The following DPYSL3 variants were observed in gnomAD, a reference collection of about 807,000 sequenced individuals.
The protein encoded by DPYSL3 is dihydropyrimidinase-related protein 3.
A neutral mutation model predicts 66.1 loss-of-function variants in DPYSL3; 16 were observed. That is an observed-to-expected ratio of 0.24 (90% CI 0.16 to 0.37). The LOEUF is 0.37. Ranked by LOEUF, DPYSL3 falls within the 10% of genes least tolerant of loss-of-function variation. The pLI is 1.00. For synonymous variants in DPYSL3, 338 were observed against 345.1 expected (o/e 0.98, Z 0.23); for missense variants, 738 against 916.2 (o/e 0.81, Z 2.51).
chr5:147,400,580 C>T (rs1165293624), intron 10 of DPYSL3, 112 bp downstream of exon 10: 12 of 1,401,372 alleles, frequency 8.6e-6, no homozygotes, highest in African/African-American at 2.9e-5. Flanking sequence ...TCAGCAAGTA[C>T]GAGATCCCAT....
chr5:147,467,944 A>C (rs921600089), intron 1 of DPYSL3, among the ~76,000 whole-genome samples: 3 of 152,092 alleles, frequency 2.0e-5, no homozygotes, highest in African/African-American at 7.2e-5. Flanking sequence ...AGCTCCCTTG[A>C]ACTTCTTTTA....
chr5:147,447,190 C>G (rs1450174626), intron 1 of DPYSL3, among the ~76,000 whole-genome samples: 3 of 152,168 alleles, frequency 2.0e-5, no homozygotes, highest in African/African-American at 7.2e-5. Context: ...CATGCTTAGT[C>G]CCATATTTCT....
intron 1 of DPYSL3, among the ~76,000 whole-genome samples, chr5:147,461,964 C>CA (rs1752939993): frequency 6.6e-6 from 1 of 152,044 alleles, no homozygotes; most frequent in African/African-American, 2.4e-5. Flanking sequence ...GAGAGTAAAT[C>CA]AAAAAATTTG....
intron 1 of DPYSL3, among the ~76,000 whole-genome samples, chr5:147,493,581 A>G (rs1753452631): frequency 6.6e-6 from 1 of 151,866 alleles, no homozygotes; most frequent in Non-Finnish European, 1.5e-5. Flanking sequence ...CTAAAAAAAA[A>G]GAAAGAAAGG....
rs1432855 is a variant in DPYSL3 at position 147,414,509 on chromosome 5, C to G, written c.821-852G>C. On this transcript the variant is annotated intron_variant, in intron 4 of 13. Coordinates refer to ENST00000343218, the MANE Select transcript of DPYSL3 (RefSeq NM_001197294.2). The stretch of plus-strand genomic sequence containing the variant: ...CAGCCCACAGTATTCTGGGCCAAAA[C>G]TGGGTTGTAATTTGAGAACTTCCCT... 0.014 allele frequency among the ~76,000 whole-genome samples: 2,121 copies of G among 152,258 alleles called. 134 individuals are homozygous for G. In the East Asian group the frequency reaches 0.19, roughly 14 times the overall value.
chr5:147,470,424 A>G (rs1753069525), intron 1 of DPYSL3, among the ~76,000 whole-genome samples: 1 of 152,082 alleles, frequency 6.6e-6, no homozygotes, highest in Non-Finnish European at 1.5e-5. Flanking sequence ...CCCGGGTCTC[A>G]GTGCTTGGTC....
intron 6 of DPYSL3, among the ~76,000 whole-genome samples, chr5:147,409,233 C>A (rs1337913707): frequency 6.6e-6 from 1 of 152,186 alleles, no homozygotes; most frequent in African/African-American, 2.4e-5. Context: ...GCAATGTTAG[C>A]CCCTGACCTC....
At chr5:147,475,686 T>G (rs1043528651) in intron 1 of DPYSL3, among the ~76,000 whole-genome samples, 4 of 152,198 alleles carry the variant, frequency 2.6e-5, no homozygotes, top group Middle Eastern at 3.4e-3. Flanking sequence ...AAAGATGCCC[T>G]AGGAAGGTGC....
chr5:147,493,769 G>A (rs942492208), intron 1 of DPYSL3, among the ~76,000 whole-genome samples: 1 of 152,104 alleles, frequency 6.6e-6, no homozygotes, highest in Non-Finnish European at 1.5e-5. Flanking sequence ...GTAACATTCC[G>A]GGGTATAAAA....
rs542763289 is a variant in DPYSL3, at chr5:147,500,565, G to A, written c.381+8913C>T. On this transcript the variant is annotated intron_variant, in intron 1 of 13. Transcript: ENST00000343218. ...GGAGATAGAGATTGCAGTGAGCCGA[G>A]GTGGCACCACTACACTCCAGCCTGG... is the stretch of plus-strand genomic sequence containing the variant. Among the ~76,000 whole-genome samples, 5 of 151,242 alleles carry A rather than the reference G, an allele frequency of 3.3e-5. No individual in the cohort carries two copies. In the South Asian group the frequency reaches 1.0e-3, roughly 32 times the overall value.
chr5:147,500,906 G>A, intron 1 of DPYSL3, among the ~76,000 whole-genome samples: 1 of 152,222 alleles, frequency 6.6e-6, no homozygotes, highest in East Asian at 1.9e-4. Flanking sequence ...AAGACAATTT[G>A]GCAGTTTCTT....
At chr5:147,440,146 C>CA (rs201426457) in intron 1 of DPYSL3, among the ~76,000 whole-genome samples, 6 of 151,892 alleles carry the variant, frequency 4.0e-5, no homozygotes, top group African/African-American at 9.7e-5. Context: ...ACTAAAAATA[C>CA]AAAAAAATTA....
Position 147,395,705 on chromosome 5 carries a change from G to A in DPYSL3, c.1820C>T (p.Ala607Val), listed in dbSNP as rs866804037. The A allele has an allele frequency of 6.2e-7, 1 of 1,613,804 alleles. No individual in the cohort carries two copies. Reference sequence around the variant, plus strand: ...CCCATCGTACATGCCCCTTGGGACGGCATGCAGGTCTGCCATCTGCAGCCA... The same window carrying A: ...CCCATCGTACATGCCCCTTGGGACGACATGCAGGTCTGCCATCTGCAGCCA... ...KARRKMADLH[A>V]VPRGMYDGPV... The change falls in exon 13 of 14, where the codon GCC (alanine) becomes GTC (valine). Residue 607 changes from alanine (A) to valine (V), a missense_variant. Coordinates refer to ENST00000343218, the MANE Select transcript of DPYSL3 (RefSeq NM_001197294.2).
intron 1 of DPYSL3, among the ~76,000 whole-genome samples, chr5:147,425,733 A>G (rs1752182611): frequency 6.6e-6 from 1 of 152,218 alleles, no homozygotes; most frequent in African/African-American, 2.4e-5. Flanking sequence ...CAAGTTATTA[A>G]CAAAGTTAAT....
At chr5:147,429,373 T>C (rs560164073) in intron 1 of DPYSL3, among the ~76,000 whole-genome samples, 2 of 152,130 alleles carry the variant, frequency 1.3e-5, no homozygotes, top group Non-Finnish European at 2.9e-5. Context: ...CTTAACTACG[T>C]GTGTGATCTT....
intron 1 of DPYSL3, among the ~76,000 whole-genome samples, chr5:147,496,024 T>C (rs974641284): frequency 2.6e-5 from 4 of 151,904 alleles, no homozygotes; most frequent in African/African-American, 4.8e-5. Context: ...GTAACCAAAA[T>C]AGCATGGTAC....
intron 1 of DPYSL3, among the ~76,000 whole-genome samples, chr5:147,458,310 C>T (rs150153226): frequency 6.6e-6 from 1 of 152,158 alleles, no homozygotes; most frequent in Non-Finnish European, 1.5e-5. Flanking sequence ...GACCTTTGGT[C>T]GTCCTCACTG....
chr5:147,396,750 C>T (rs1333766338), intron 12 of DPYSL3, among the ~76,000 whole-genome samples: 2 of 151,992 alleles, frequency 1.3e-5, no homozygotes, highest in African/African-American at 4.8e-5. Flanking sequence ...TTGGGGAAGT[C>T]TCCTTCTCTA....
intron 1 of DPYSL3, among the ~76,000 whole-genome samples, chr5:147,490,560 C>T (rs1290667902): frequency 2.0e-5 from 3 of 152,130 alleles, no homozygotes; most frequent in African/African-American, 4.8e-5. Context: ...AGGTTTCTGG[C>T]TTAGCATGTT....
Sources: allele counts gnomAD v4.1 joint callset (sites outside exome capture counted in the v4.1 genomes callset), GRCh38; gene constraint gnomAD v4.1.1; transcripts MANE v1.5; gene names NCBI Gene and HGNC (gene_info 2026-07-23, HGNC 2026-07-21).